C2: variants seen among roughly 807,000 people sequenced by gnomAD.
The protein encoded by C2 is complement C2.
A neutral mutation model predicts 85.2 loss-of-function variants in C2; 64 were observed. The observed-to-expected ratio is 0.75, with a 90% CI of 0.61 to 0.92. C2 has a LOEUF of 0.92. Among genes scored for constraint, C2 ranks in the 40% least tolerant of loss-of-function variants. C2 has a pLI of 0.00. For synonymous variants in C2, 311 were observed against 370.8 expected, an observed-to-expected ratio of 0.84 and a Z score of 1.85; for missense variants, 820 against 971.6, an observed-to-expected ratio of 0.84 and a Z score of 2.07.
upstream of C2, among the ~76,000 whole-genome samples, chr6:31,917,817 A>C (rs1768655799): frequency 6.6e-6 from 1 of 151,562 alleles, no homozygotes; most frequent in Non-Finnish European, 1.5e-5. Context: ...GAGGCAGGAG[A>C]ATTGCTTGAA....
chr6:31,910,004 CT>C (rs1482589906), intron 1 of C2, among the ~76,000 whole-genome samples: 1 of 151,724 alleles, frequency 6.6e-6, no homozygotes, highest in East Asian at 1.9e-4. Flanking sequence ...CCTCAGCCTC[CT>C]GAGTAGCTGG....
chr6:31,918,046 G>A (rs746279874), upstream of C2, among the ~76,000 whole-genome samples: 4 of 152,120 alleles, frequency 2.6e-5, no homozygotes, highest in East Asian at 1.9e-4. Flanking sequence ...GGGAGGCCTA[G>A]GTTGGAGGAT....
At chr6:31,899,092 T>G (rs960780961), upstream of C2, among the ~76,000 whole-genome samples, 4 of 152,124 alleles carry the variant, frequency 2.6e-5, no homozygotes, top group African/African-American at 9.7e-5. Context: ...TTTTTTTTGT[T>G]TTTTATTTTG....
At chr6:31,917,958 A>C (rs1768669774), upstream of C2, among the ~76,000 whole-genome samples, 1 of 152,046 alleles carries the variant, frequency 6.6e-6, no homozygotes, top group South Asian at 2.1e-4. Context: ...GTTCTGAAAA[A>C]AGAAAAAAGA....
upstream of C2, chr6:31,900,234 T>C (rs767953194): frequency 7.4e-6 from 12 of 1,614,066 alleles, no homozygotes; most frequent in Non-Finnish European, 1.0e-5. The surrounding 1 kb of genome is among the most constrained non-coding windows in gnomAD (Gnocchi z 9.7). Flanking sequence ...CACATGAAGA[T>C]GAAGTGCTGC....
Position 31,922,548 on chromosome 6 carries a change from C to G in C2, c.-100+2522C>G, listed in dbSNP as rs992376575. On this transcript the variant is annotated intron_variant, in intron 1 of 3. Coordinates refer to the C2 transcript ENST00000413154. The surrounding 1 kb of genome is among the most constrained non-coding windows in gnomAD (Gnocchi z 4.8). ...CAGAGCATCATTTCTGATTTTTAAA[C>G]TCTGATTAGGGGGCCTGGCACAGTG... Among the ~76,000 whole-genome samples the G allele has an allele frequency of 2.0e-5, 3 of 152,110 alleles. No individual in the cohort carries two copies. The highest frequency in any genetic ancestry group is 6.5e-5 in the Admixed American group (1 of 15,270).
upstream of C2, among the ~76,000 whole-genome samples, chr6:31,916,057 TG>T (rs1222602843): frequency 1.3e-5 from 2 of 152,176 alleles, no homozygotes; most frequent in Non-Finnish European, 2.9e-5. Flanking sequence ...TGTTACAGTC[TG>T]GGTTTGCTGG....
chr6:31,905,278 A>G (rs1002998195), intron 1 of C2, among the ~76,000 whole-genome samples: 2 of 151,774 alleles, frequency 1.3e-5, no homozygotes, highest in African/African-American at 4.9e-5. Flanking sequence ...TACAAATAAT[A>G]AGAAAATTAG....
upstream of C2, chr6:31,900,700 A>G (rs1457257142): frequency 5.6e-6 from 9 of 1,603,284 alleles, no homozygotes; most frequent in Non-Finnish European, 7.7e-6. The surrounding 1 kb of genome is among the most constrained non-coding windows in gnomAD (Gnocchi z 9.7). Context: ...ACACGTCCTC[A>G]TCCTCATCCT....
rs138882491 is a variant in C2, at chr6:31,912,276, A to G, written c.73+11137A>G. Among the ~76,000 whole-genome samples, 865 of 152,316 alleles carry G rather than the reference A, an allele frequency of 5.7e-3. 26 individuals carry two copies. The South Asian group carries it at 0.077, about 14-fold the overall frequency. On this transcript the variant is annotated intron_variant, in intron 1 of 3. Coordinates refer to the C2 transcript ENST00000452202. ...AGACTGTTGCTTCTTGGGAAAAAAG[A>G]TATAAAGGCTTCAAATTTAATGGAT...
chr6:31,900,058 G>A (rs182445071), upstream of C2: 481 of 1,613,204 alleles, frequency 3.0e-4, 13 homozygotes, highest in East Asian at 9.1e-3. The surrounding 1 kb of genome is among the most constrained non-coding windows in gnomAD (Gnocchi z 9.7). Flanking sequence ...AGTAGGAGCA[G>A]CGGTAGGGCC....
At chr6:31,928,246 G>T in intron 2 of C2, 82 bp downstream of exon 2, 1 of 1,269,316 alleles carries the variant, frequency 7.9e-7, no homozygotes, top group Non-Finnish European at 1.1e-6. Flanking sequence ...CTCAGGGTGG[G>T]ACTTAACCTG....
intron 6 of C2, 153 bp downstream of exon 6, chr6:31,934,452 A>G (rs1368220288): frequency 2.0e-5 from 25 of 1,262,156 alleles, no homozygotes; most frequent in Non-Finnish European, 2.7e-5. Flanking sequence ...CATGAATTCA[A>G]TTTATACAAT....
In C2 at chr6:31,933,721, G is replaced by C; in HGVS notation, c.554G>C (p.Gly185Ala). The change falls in exon 4 of 18, where the codon GGG (glycine) becomes GCG (alanine). Residue 185 changes from glycine (G) to alanine (A), a missense_variant. Transcript: ENST00000299367. Reference sequence around the variant, plus strand: ...TGCTCCTCGAATCTTGTGCTCACGGGGTCTTCGGAGCGGGAGTGCCAGGGC... The same window carrying C: ...TGCTCCTCGAATCTTGTGCTCACGGCGTCTTCGGAGCGGGAGTGCCAGGGC... ...YRCSSNLVLT[G>A]SSERECQGNG... 2.5e-6 allele frequency: 4 copies of C among 1,613,428 alleles called. No individual in the cohort carries two copies. Among genetic ancestry groups the C allele is most frequent in the Non-Finnish European group, 3.4e-6 (4 of 1,180,032 alleles).
upstream of C2, among the ~76,000 whole-genome samples, chr6:31,924,815 G>A (rs498240): frequency 0.073 from 11,066 of 152,226 alleles, 438 homozygotes; most frequent in African/African-American, 0.11. Flanking sequence ...ATAGCCATCA[G>A]TCTCTCCTAT....
At chr6:31,938,141 G>T (rs1256166050) in intron 8 of C2, among the ~76,000 whole-genome samples, 1 of 152,170 alleles carries the variant, frequency 6.6e-6, no homozygotes, top group Non-Finnish European at 1.5e-5. Flanking sequence ...TAAGTTGCCT[G>T]TGTGAAAGTG....
upstream of C2, chr6:31,900,349 G>T (rs1471499752): frequency 6.2e-7 from 1 of 1,607,298 alleles, no homozygotes; most frequent in Admixed American, 1.7e-5. This position sits in a 1 kb window ranked among gnomAD's most constrained non-coding sequence, Gnocchi z 9.7. Context: ...CCCCAGGCAG[G>T]GGTCCCCGGC....
chr6:31,913,401 C>G (rs541043087), intron 1 of C2, among the ~76,000 whole-genome samples: 116 of 152,218 alleles, frequency 7.6e-4, no homozygotes, highest in Admixed American at 6.2e-3. Context: ...CATGGTGAAC[C>G]GCTATCTCTA....
At chr6:31,927,210 C>T (rs1338526999), upstream of C2, among the ~76,000 whole-genome samples, 1 of 152,228 alleles carries the variant, frequency 6.6e-6, no homozygotes, top group African/African-American at 2.4e-5. This position sits in a 1 kb window ranked among gnomAD's most constrained non-coding sequence, Gnocchi z 4.7. Flanking sequence ...GTTTCACCCC[C>T]CTCGGAAGTT....
Sources: allele counts gnomAD v4.1 joint callset (sites outside exome capture counted in the v4.1 genomes callset), GRCh38; gene constraint gnomAD v4.1.1; non-coding constraint Gnocchi (gnomAD v3.1); transcripts MANE v1.5; gene names NCBI Gene and HGNC (gene_info 2026-07-23, HGNC 2026-07-21).